Variants in KCNIP1 observed in about 807,000 individuals in gnomAD.
KCNIP1 encodes potassium voltage-gated channel interacting protein 1, also known as A-type potassium channel modulatory protein KCNIP1.
In KCNIP1, 18 loss-of-function variants were observed where a neutral mutation model predicts 33.0. That is an observed-to-expected ratio of 0.55 (90% CI 0.38 to 0.81). KCNIP1 has a LOEUF of 0.81. Among genes scored for constraint, KCNIP1 ranks in the 30% least tolerant of loss-of-function variants. The pLI, the probability that KCNIP1 is intolerant of heterozygous loss-of-function variation, is 0.00. For missense variants in KCNIP1, 238 were observed against 271.6 expected, an observed-to-expected ratio of 0.88 and a Z score of 0.87; for synonymous variants, 93 against 98.3, an observed-to-expected ratio of 0.95 and a Z score of 0.32.
chr5:170,578,528 AAG>A (rs952575178), intron 1 of KCNIP1, among the ~76,000 whole-genome samples: 3 of 152,148 alleles, frequency 2.0e-5, no homozygotes, highest in African/African-American at 7.2e-5. Context: ...GGACTCTCAA[AAG>A]AGAGAGGGGA....
At chr5:170,664,743 C>G (rs913939636) in intron 1 of KCNIP1, among the ~76,000 whole-genome samples, 1 of 152,108 alleles carries the variant, frequency 6.6e-6, no homozygotes, top group African/African-American at 2.4e-5. Flanking sequence ...AAAAGACAAA[C>G]AAACAGTTAA....
intron 1 of KCNIP1, among the ~76,000 whole-genome samples, chr5:170,672,289 G>C (rs1369724040): frequency 6.6e-6 from 1 of 152,234 alleles, no homozygotes; most frequent in African/African-American, 2.4e-5. Flanking sequence ...ACATATGGCA[G>C]CTGCAGAGAC....
intron 1 of KCNIP1, chr5:170,376,651 G>T (rs1764018176): frequency 6.6e-6 from 1 of 152,096 alleles, no homozygotes; most frequent in Admixed American, 6.5e-5. Context: ...GTTTGCTAAG[G>T]ATAATATTTG....
chr5:170,426,905 T>G (rs1755627689), intron 1 of KCNIP1, among the ~76,000 whole-genome samples: 1 of 152,216 alleles, frequency 6.6e-6, no homozygotes, highest in South Asian at 2.1e-4. Flanking sequence ...AACCACCCCA[T>G]GTGCAGCCTT....
At chr5:170,674,759 G>A (rs1762063987) in intron 1 of KCNIP1, among the ~76,000 whole-genome samples, 1 of 152,116 alleles carries the variant, frequency 6.6e-6, no homozygotes, top group Admixed American at 6.5e-5. Context: ...AAATGCCAGG[G>A]GAAAACCAGG....
intron 1 of KCNIP1, among the ~76,000 whole-genome samples, chr5:170,674,585 G>C (rs1174394341): frequency 6.6e-6 from 1 of 152,216 alleles, no homozygotes; most frequent in Non-Finnish European, 1.5e-5. Context: ...GGAGGGGGAT[G>C]CTGATGTGAT....
At chr5:170,538,400 T>C (rs1217312163) in intron 1 of KCNIP1, among the ~76,000 whole-genome samples, 1 of 152,140 alleles carries the variant, frequency 6.6e-6, no homozygotes, top group African/African-American at 2.4e-5. Context: ...CCCTTTCCAA[T>C]GGGGTGGTGA....
chr5:170,673,671 G>T lies in KCNIP1; in HGVS notation c.62-45087G>T, dbSNP rs139375658. Reference sequence around the variant, plus strand: ...GGTATAGTTCCTGGTATGTAATTAGGACTTTATAAATATCTCTTATATGGA... The same window carrying T: ...GGTATAGTTCCTGGTATGTAATTAGTACTTTATAAATATCTCTTATATGGA... On this transcript the variant is annotated intron_variant, in intron 1 of 7. Transcript: ENST00000328939. 2.8e-3 allele frequency among the ~76,000 whole-genome samples: 433 copies of T among 152,288 alleles called. 2 individuals are homozygous for T. Among genetic ancestry groups the T allele is most frequent in the African/African-American group, 9.8e-3 (408 of 41,554 alleles).
intron 1 of KCNIP1, among the ~76,000 whole-genome samples, chr5:170,575,433 GC>G (rs1454517777): frequency 2.0e-5 from 3 of 152,062 alleles, no homozygotes; most frequent in Admixed American, 6.5e-5. Context: ...GTTCAAAGTT[GC>G]CACCTGGCAG....
intron 1 of KCNIP1, among the ~76,000 whole-genome samples, chr5:170,589,937 A>G (rs1475142993): frequency 6.6e-6 from 1 of 152,160 alleles, no homozygotes; most frequent in East Asian, 1.9e-4. Flanking sequence ...ATCTCAGCCA[A>G]TGCATGGCTT....
At chr5:170,720,756 C>A (rs1218005029) in intron 3 of KCNIP1, among the ~76,000 whole-genome samples, 1 of 152,232 alleles carries the variant, frequency 6.6e-6, no homozygotes, top group Non-Finnish European at 1.5e-5. Context: ...CCATAAGGGT[C>A]TGAAACAGGT....
intron 1 of KCNIP1, among the ~76,000 whole-genome samples, chr5:170,423,535 A>T (rs1453197992): frequency 2.0e-5 from 3 of 152,196 alleles, no homozygotes; most frequent in Admixed American, 6.5e-5. Context: ...GGATCTTCTT[A>T]GCATCTCCCA....
At chr5:170,557,776 G>A (rs1380280697) in intron 1 of KCNIP1, among the ~76,000 whole-genome samples, 2 of 152,166 alleles carry the variant, frequency 1.3e-5, no homozygotes, top group Non-Finnish European at 2.9e-5. Context: ...AAGATGGGTA[G>A]GAATGAGGTT....
chr5:170,573,606 C>G (rs1221859393), intron 1 of KCNIP1, among the ~76,000 whole-genome samples: 1 of 151,972 alleles, frequency 6.6e-6, no homozygotes, highest in African/African-American at 2.4e-5. Flanking sequence ...CTAAGGTCTA[C>G]TACTGAAGAA....
At chr5:170,549,309 G>GT (rs1197106197) in intron 1 of KCNIP1, among the ~76,000 whole-genome samples, 1 of 152,018 alleles carries the variant, frequency 6.6e-6, no homozygotes, top group Admixed American at 6.5e-5. Context: ...AACCTCCTTC[G>GT]TTTTTTTAAA....
chr5:170,590,484 G>T (rs1468942275), intron 1 of KCNIP1, among the ~76,000 whole-genome samples: 1 of 152,142 alleles, frequency 6.6e-6, no homozygotes, highest in Admixed American at 6.5e-5. Context: ...CCAACCGGTA[G>T]AGGATTTGCA....
chr5:170,537,695 G>T (rs1036296423), intron 1 of KCNIP1, among the ~76,000 whole-genome samples: 3 of 152,208 alleles, frequency 2.0e-5, no homozygotes, highest in Non-Finnish European at 2.9e-5. Context: ...CTCCCTGAGG[G>T]TTATAGGGCA....
rs1400431271 is a variant in KCNIP1 at position 170,633,756 on chromosome 5, G to A, written c.62-85002G>A. On this transcript the variant is annotated intron_variant, in intron 1 of 7. Transcript: ENST00000328939. ...GACGGAGGGGGGGGCGGGGGGCGGG[G>A]CGGAGGGGGGATGGGGCGGGGCGGG... Among the ~76,000 whole-genome samples, 4 of 101,542 alleles carry A rather than the reference G, an allele frequency of 3.9e-5. No homozygotes were observed. In the South Asian group the frequency reaches 1.8e-3, roughly 46 times the overall value. The allele number at this position is 101,542 out of a possible 152,430, so 66.6% of individuals were successfully genotyped here.
At chr5:170,669,663 A>G (rs992962610) in intron 1 of KCNIP1, 5 of 985,282 alleles carry the variant, frequency 5.1e-6, no homozygotes, top group Non-Finnish European at 4.8e-6. Flanking sequence ...GTTCCTGGGT[A>G]TGAAGGTTTG....
Sources: allele counts gnomAD v4.1 joint callset (sites outside exome capture counted in the v4.1 genomes callset), GRCh38; gene constraint gnomAD v4.1.1; transcripts MANE v1.5; gene names NCBI Gene and HGNC (gene_info 2026-07-23, HGNC 2026-07-21).